SH3RF2: variants seen among roughly 807,000 people sequenced by gnomAD.
The protein encoded by SH3RF2 is SH3 domain containing ring finger 2, also known as E3 ubiquitin-protein ligase SH3RF2.
A neutral mutation model predicts 59.0 loss-of-function variants in SH3RF2; 43 were observed. That is an observed-to-expected ratio of 0.73 (90% confidence interval 0.57 to 0.94). The LOEUF (loss-of-function observed/expected upper bound fraction) is 0.94, where lower values mean the gene tolerates loss of function less well. Among genes scored for constraint, SH3RF2 ranks in the 40% least tolerant of loss-of-function variants. SH3RF2 has a pLI of 0.00. For missense variants in SH3RF2, 930 were observed against 940.1 expected, an observed-to-expected ratio of 0.99 and a Z score of 0.14; for synonymous variants, 391 against 391.5, an observed-to-expected ratio of 1.00 and a Z score of 0.01.
chr5:146,022,350 G>A (rs186087164), intron 5 of SH3RF2, among the ~76,000 whole-genome samples: 7 of 152,280 alleles, frequency 4.6e-5, no homozygotes, highest in South Asian at 2.1e-4. Context: ...TGGGACTACA[G>A]GTGGGCACCA....
At chr5:145,988,424 T>C (rs1028322301) in intron 2 of SH3RF2, among the ~76,000 whole-genome samples, 2 of 152,030 alleles carry the variant, frequency 1.3e-5, no homozygotes, top group African/African-American at 2.4e-5. Context: ...TGTCAGAATA[T>C]GCAGGGTTTG....
At chr5:146,024,225 C>T (rs1357825441) in intron 5 of SH3RF2, among the ~76,000 whole-genome samples, 1 of 152,214 alleles carries the variant, frequency 6.6e-6, no homozygotes, top group Non-Finnish European at 1.5e-5. Context: ...AATTTCCCCA[C>T]ATCTTCGCCA....
At chr5:146,075,797 A>G (rs1397173804) in intron 9 of SH3RF2, among the ~76,000 whole-genome samples, 1 of 139,970 alleles carries the variant, frequency 7.1e-6, no homozygotes, top group African/African-American at 3.3e-5. Context: ...AAAAAAAAAA[A>G]AAAAAAAAAA....
chr5:146,076,405 G>A (rs1317137337), intron 9 of SH3RF2, among the ~76,000 whole-genome samples: 1 of 152,138 alleles, frequency 6.6e-6, no homozygotes, highest in African/African-American at 2.4e-5. Context: ...CTAGGCACAG[G>A]GAGGAGAGGC....
chr5:146,045,273 A>G (rs909430636), intron 5 of SH3RF2, among the ~76,000 whole-genome samples: 2 of 152,220 alleles, frequency 1.3e-5, no homozygotes, highest in Non-Finnish European at 2.9e-5. Flanking sequence ...CAGTGCTAAG[A>G]GTTCCTCAGG....
At chr5:146,064,778 A>G (rs1247066893), downstream of SH3RF2, among the ~76,000 whole-genome samples, 331 of 10,448 alleles carry the variant, frequency 0.032, 30 homozygotes, top group Middle Eastern at 0.071. Flanking sequence ...AAGGAAGGAA[A>G]GGAAGGAAGG....
chr5:145,965,316 A>G (rs1044487548), intron 2 of SH3RF2, among the ~76,000 whole-genome samples: 4 of 152,170 alleles, frequency 2.6e-5, no homozygotes, highest in African/African-American at 7.2e-5. Context: ...ACCCTCAGGC[A>G]ATGTCTGATT....
Position 146,049,226 on chromosome 5 carries a change from T to TA in SH3RF2, c.1304dup (p.Tyr435Ter), listed in dbSNP as rs1762409960. ...GCGAGTCGGCATCTTCCCAAACAAT[T>TA]ACGTCATCCCCATTTTCAGGTGTGT... ...TGRVGIFPNN[Y>*]VIPIFRKTSS... Residue 435 changes from tyrosine (Y) to a stop codon, truncating the protein, a stop_gained and frameshift_variant, in exon 7 of 10, where the codon TAC becomes TAAC. Coordinates refer to ENST00000359120, the MANE Select transcript of SH3RF2 (RefSeq NM_152550.4). LOFTEE classifies it high-confidence loss of function. 1.2e-6 allele frequency: 2 copies of TA among 1,611,840 alleles called. No homozygotes were observed. Among genetic ancestry groups the TA allele is most frequent in the Non-Finnish European group, 1.7e-6 (2 of 1,178,578 alleles).
At position 146,062,520 on chromosome 5, in the gene SH3RF2, C is replaced by A. The variant is rs527891057; in HGVS notation, c.2009C>A (p.Thr670Asn). 2 of 1,614,192 alleles carry A rather than the reference C, an allele frequency of 1.2e-6. No homozygotes were observed. The highest frequency in any genetic ancestry group is 1.7e-6 in the Non-Finnish European group (2 of 1,180,046). ...PTSGKPEQPA[T>N]LKASQPEAAS... ...TCCGGAAAGCCTGAACAGCCAGCCA[C>A]CCTCAAGGCGTCCCAGCCTGAAGCA... Residue 670 changes from threonine to asparagine, a missense_variant, in exon 10 of 10, where the codon ACC (threonine) becomes AAC (asparagine). Coordinates refer to ENST00000359120, the MANE Select transcript of SH3RF2 (RefSeq NM_152550.4).
intron 2 of SH3RF2, among the ~76,000 whole-genome samples, chr5:145,989,647 T>C (rs570294939): frequency 2.0e-5 from 3 of 152,316 alleles, no homozygotes; most frequent in South Asian, 2.1e-4. Context: ...AAGTAAACCA[T>C]TGATAAGCCA....
At chr5:146,002,708 G>A (rs888951165) in intron 3 of SH3RF2, among the ~76,000 whole-genome samples, 2 of 152,162 alleles carry the variant, frequency 1.3e-5, no homozygotes, top group African/African-American at 4.8e-5. Context: ...CCCATGGGTC[G>A]CATTACTGCC....
chr5:146,025,380 C>T (rs935059957), intron 5 of SH3RF2, among the ~76,000 whole-genome samples: 5 of 152,256 alleles, frequency 3.3e-5, no homozygotes, highest in Admixed American at 6.5e-5. Flanking sequence ...TTGCCACTGC[C>T]GTAGGCTGGC....
At chr5:145,943,528 C>A (rs1209453265) in intron 2 of SH3RF2, among the ~76,000 whole-genome samples, 1 of 152,186 alleles carries the variant, frequency 6.6e-6, no homozygotes, top group Non-Finnish European at 1.5e-5. Flanking sequence ...TTTCTTTTAG[C>A]CTCTGCCTGA....
intron 3 of SH3RF2, among the ~76,000 whole-genome samples, chr5:146,002,612 T>C (rs1004668931): frequency 2.0e-5 from 3 of 151,972 alleles, no homozygotes; most frequent in African/African-American, 7.2e-5. Flanking sequence ...CCAGTACCAG[T>C]CCGTGGCCTG....
intron 9 of SH3RF2, among the ~76,000 whole-genome samples, chr5:146,069,899 A>C (rs1329745764): frequency 1.3e-5 from 2 of 151,828 alleles, no homozygotes; most frequent in African/African-American, 4.8e-5. Flanking sequence ...TTGCCTCCAG[A>C]CTACAGATCA....
At chr5:145,960,699 G>A (rs1758597743) in intron 2 of SH3RF2, among the ~76,000 whole-genome samples, 1 of 152,198 alleles carries the variant, frequency 6.6e-6, no homozygotes. Flanking sequence ...TTCTGTGGTG[G>A]GTGGAAAAGG....
intron 2 of SH3RF2, among the ~76,000 whole-genome samples, chr5:145,996,975 C>T (rs907960276): frequency 6.6e-6 from 1 of 152,134 alleles, no homozygotes; most frequent in Non-Finnish European, 1.5e-5. Flanking sequence ...AGGAAGTGCT[C>T]GGTAATTAGT....
exon 10 of SH3RF2, chr5:146,081,147 G>A (rs1763420180): frequency 6.6e-6 from 1 of 152,096 alleles, no homozygotes; most frequent in Non-Finnish European, 1.5e-5. Flanking sequence ...CTTCACTGTT[G>A]GGTAACTCTC....
intron 5 of SH3RF2, among the ~76,000 whole-genome samples, chr5:146,046,969 G>A (rs1016830180): frequency 1.3e-5 from 2 of 152,106 alleles, no homozygotes; most frequent in African/African-American, 4.8e-5. Context: ...TGTTTCCCAG[G>A]CTGGTCTAGA....
Sources: allele counts gnomAD v4.1 joint callset (sites outside exome capture counted in the v4.1 genomes callset), GRCh38; gene constraint gnomAD v4.1.1; transcripts MANE v1.5; gene names NCBI Gene and HGNC (gene_info 2026-07-23, HGNC 2026-07-21).